The following KRTAP19-3 variants were observed in gnomAD, a reference collection of about 807,000 sequenced individuals.
KRTAP19-3 encodes the protein keratin-associated protein 19-3.
For synonymous variants in KRTAP19-3, 37 were observed against 41.9 expected (o/e 0.88, Z 0.45); for missense variants, 106 against 101.6 (o/e 1.04, Z -0.19).
At position 30,491,524 on chromosome 21, in the gene KRTAP19-3, C is replaced by A. The variant is rs1478545854; in HGVS notation, c.*188G>T. Reference sequence around the variant, plus strand: ...CAGATAATTCAATCAGCTTTAAAAGCAAAAGTAGAGAATACTAGGATTATT... The same window carrying A: ...CAGATAATTCAATCAGCTTTAAAAGAAAAAGTAGAGAATACTAGGATTATT... On this transcript the variant is annotated 3_prime_UTR_variant, in exon 1 of 1. Coordinates refer to ENST00000334063, the MANE Select transcript of KRTAP19-3 (RefSeq NM_181609.4). 3.3e-6 allele frequency: 3 copies of A among 917,092 alleles called. No homozygotes were observed. The highest frequency in any genetic ancestry group is 2.5e-5 in the East Asian group (1 of 39,852). 56.8% of individuals were successfully genotyped at this position (917,092 alleles called of 1,614,324 possible). A position where few individuals can be genotyped will look rare whatever the true frequency, so the allele number is the denominator to read the frequency against.
chr21:30,491,894 C>T lies in KRTAP19-3; in HGVS notation c.64G>A (p.Gly22Ser). 6.2e-7 allele frequency: 1 copy of T among 1,614,114 alleles called. No individual in the cohort carries two copies. Among genetic ancestry groups the T allele is most frequent in the Middle Eastern group, 1.6e-4 (1 of 6,062 alleles). The change falls in exon 1 of 1, where the codon GGC becomes AGC. Residue 22 changes from glycine (G) to serine (S), a missense_variant. Physicochemically the swap from Gly to Ser is moderately conservative, Grantham distance 56. Transcript: ENST00000334063. ...GYGCGGFGGL[G>S]YGYGCGCGSF... The stretch of plus-strand genomic sequence containing the variant: ...CCACATCCACAGCCATAGCCATAGC[C>T]CAGGCCACCAAAGCCTCCACAGCCA...
At position 30,491,881 on chromosome 21, in the gene KRTAP19-3, C is replaced by T. The variant is rs767061445; in HGVS notation, c.77G>A (p.Gly26Asp). 2 of 1,614,062 alleles carry T rather than the reference C, an allele frequency of 1.2e-6. No individual in the cohort carries two copies. The highest frequency in any genetic ancestry group is 1.7e-6 in the Non-Finnish European group (2 of 1,180,026). Residue 26 changes from glycine (G) to aspartate (D), a missense_variant, in exon 1 of 1, where the codon GGC (glycine) becomes GAC (aspartate). Gly to Asp is a moderately conservative substitution (Grantham distance 94, BLOSUM62 -1). Coordinates refer to ENST00000334063, the MANE Select transcript of KRTAP19-3 (RefSeq NM_181609.4). ...GGFGGLGYGY[G>D]CGCGSFRRLG... ...TCTGCGGAAGCTGCCACATCCACAG[C>T]CATAGCCATAGCCCAGGCCACCAAA... is the stretch of plus-strand genomic sequence containing the variant.
Position 30,491,975 on chromosome 21 carries a change from G to A in KRTAP19-3, c.-18C>T. 6.2e-7 allele frequency: 1 copy of A among 1,613,784 alleles called. No homozygotes were observed. The highest frequency in any genetic ancestry group is 8.5e-7 in the Non-Finnish European group (1 of 1,179,714). ...TAGCTCATGGTGTCAGGGGTAGTGA[G>A]TTTGGTTTGCTGCTCAAGGCAAGGT... On this transcript the variant is annotated 5_prime_UTR_variant, in exon 1 of 1. Coordinates refer to ENST00000334063, the MANE Select transcript of KRTAP19-3 (RefSeq NM_181609.4).
At position 30,491,583 on chromosome 21, in the gene KRTAP19-3, C is replaced by T; in HGVS notation, c.*129G>A. ...GTGGGTATACAGAGAAAAAAAATTG[C>T]CTGAAATTCTGAGATGTTAAATTCT... On this transcript the variant is annotated 3_prime_UTR_variant, in exon 1 of 1. Transcript: ENST00000334063. 1 of 1,486,792 alleles carries T rather than the reference C, an allele frequency of 6.7e-7. No homozygotes were observed. The highest frequency in any genetic ancestry group is 9.1e-7 in the Non-Finnish European group (1 of 1,104,260). The allele number at this position is 1,486,792 out of a possible 1,614,324, so 92.1% of individuals were successfully genotyped here. A position where few individuals can be genotyped will look rare whatever the true frequency, so the allele number is the denominator to read the frequency against.
In KRTAP19-3 at chr21:30,491,771, C is replaced by G; in HGVS notation, c.187G>C (p.Gly63Arg). 6.2e-7 allele frequency: 1 copy of G among 1,614,044 alleles called. No homozygotes were observed. Among genetic ancestry groups the G allele is most frequent in the South Asian group, 1.1e-5 (1 of 91,074 alleles). The change falls in exon 1 of 1, where the codon GGA becomes CGA. Residue 63 changes from glycine to arginine, a missense_variant. Coordinates refer to ENST00000334063, the MANE Select transcript of KRTAP19-3 (RefSeq NM_181609.4). ...YGYGSGFGGY[G>R]YGCYRPSYYG... ...TATGATGGGCGGTAGCAGCCATATC[C>G]GTAGCCTCCGAAGCCAGAGCCATAT... is the stretch of plus-strand genomic sequence containing the variant.
In KRTAP19-3 at chr21:30,491,592, C is replaced by T; in HGVS notation, c.*120G>A. On this transcript the variant is annotated 3_prime_UTR_variant, in exon 1 of 1. Coordinates refer to ENST00000334063, the MANE Select transcript of KRTAP19-3 (RefSeq NM_181609.4). The stretch of plus-strand genomic sequence containing the variant: ...CAGAGAAAAAAAATTGCCTGAAATT[C>T]TGAGATGTTAAATTCTTTTGTGCAA... 1 of 1,516,038 alleles carries T rather than the reference C, an allele frequency of 6.6e-7. No individual in the cohort carries two copies. The highest frequency in any genetic ancestry group is 1.3e-5 in the South Asian group (1 of 76,944). The allele number at this position is 1,516,038 out of a possible 1,614,324, so 93.9% of individuals were successfully genotyped here.
chr21:30,491,761 CAGCCATATCCGTAGCCTCCGAAGCCAG>C lies in KRTAP19-3; in HGVS notation c.170_196del (p.Ser57_Gly65del). On this transcript the variant is annotated inframe_deletion, in exon 1 of 1. Transcript: ENST00000334063. ...TCCTCCATAGTATGATGGGCGGTAGCAGCCATATCCGTAGCCTCCGAAGCCAGAGCCATATCCATAGCCTCCAAAGCC... is the reference window on the plus strand; with the variant it reads ...TCCTCCATAGTATGATGGGCGGTAGCAGCCATATCCATAGCCTCCAAAGCC... The C allele has an allele frequency of 6.2e-7, 1 of 1,614,142 alleles. No homozygotes were observed. Among genetic ancestry groups the C allele is most frequent in the African/African-American group, 1.3e-5 (1 of 75,018 alleles).
At position 30,491,546 on chromosome 21, in the gene KRTAP19-3, T is replaced by C; in HGVS notation, c.*166A>G. On this transcript the variant is annotated 3_prime_UTR_variant, in exon 1 of 1. Coordinates refer to ENST00000334063, the MANE Select transcript of KRTAP19-3 (RefSeq NM_181609.4). Reference sequence around the variant, plus strand: ...AAGCAAAAGTAGAGAATACTAGGATTATTATAGAGATGTGGGTATACAGAG... The same window carrying C: ...AAGCAAAAGTAGAGAATACTAGGATCATTATAGAGATGTGGGTATACAGAG... 1 of 1,061,194 alleles carries C rather than the reference T, an allele frequency of 9.4e-7. No homozygotes were observed. The highest frequency in any genetic ancestry group is 1.4e-6 in the Non-Finnish European group (1 of 734,344). The allele number at this position is 1,061,194 out of a possible 1,614,324, so 65.7% of individuals were successfully genotyped here.
At position 30,491,862 on chromosome 21, in the gene KRTAP19-3, G is replaced by C. The variant is rs1329065990; in HGVS notation, c.96C>G (p.Phe32Leu). Reference protein sequence around the residue: ...GYGYGCGCGSFRRLGSGCGYG... With the variant: ...GYGYGCGCGSLRRLGSGCGYG... ...AGCCACAGCCAGAACCCAGTCTGCGGAAGCTGCCACATCCACAGCCATAGC... is the reference window on the plus strand; with the variant it reads ...AGCCACAGCCAGAACCCAGTCTGCGCAAGCTGCCACATCCACAGCCATAGC... The change falls in exon 1 of 1, where the codon TTC (phenylalanine) becomes TTG (leucine). Residue 32 changes from phenylalanine (F) to leucine (L), a missense_variant. Transcript: ENST00000334063. 1 of 1,614,054 alleles carries C rather than the reference G, an allele frequency of 6.2e-7. No homozygotes were observed. The highest frequency in any genetic ancestry group is 1.7e-5 in the Admixed American group (1 of 59,996).
Position 30,491,634 on chromosome 21 carries a change from C to A in KRTAP19-3, c.*78G>T. The A allele has an allele frequency of 6.3e-7, 1 of 1,593,142 alleles. No individual in the cohort carries two copies. Among genetic ancestry groups the A allele is most frequent in the Non-Finnish European group, 8.6e-7 (1 of 1,167,586 alleles). ...TTTGTGCAAATAGCTCCAGCATGAT[C>A]TTTGTTGTCCAATGATTGAAGTCAG... On this transcript the variant is annotated 3_prime_UTR_variant, in exon 1 of 1. Transcript: ENST00000334063.
rs762885754 is a variant in KRTAP19-3 at position 30,491,781 on chromosome 21, G to GAAGCCAGAGCCATATCCATAGCCTCCA, written c.150_176dup (p.Ser57_Gly65dup). On this transcript the variant is annotated inframe_insertion, in exon 1 of 1. Coordinates refer to ENST00000334063, the MANE Select transcript of KRTAP19-3 (RefSeq NM_181609.4). ...GGTAGCAGCCATATCCGTAGCCTCC[G>GAAGCCAGAGCCATATCCATAGCCTCCA]AAGCCAGAGCCATATCCATAGCCTC... 1 of 1,613,820 alleles carries GAAGCCAGAGCCATATCCATAGCCTCCA rather than the reference G, an allele frequency of 6.2e-7. No individual in the cohort carries two copies. The highest frequency in any genetic ancestry group is 1.3e-5 in the African/African-American group (1 of 74,820).
rs570680515 is a variant in KRTAP19-3 at position 30,491,553 on chromosome 21, G to A, written c.*159C>T. The A allele has an allele frequency of 1.8e-6, 2 of 1,114,202 alleles. No individual in the cohort carries two copies. The highest frequency in any genetic ancestry group is 1.5e-5 in the South Asian group (1 of 64,984). 69.0% of individuals were successfully genotyped at this position (1,114,202 alleles called of 1,614,324 possible). On this transcript the variant is annotated 3_prime_UTR_variant, in exon 1 of 1. Transcript: ENST00000334063. ...AGTAGAGAATACTAGGATTATTATA[G>A]AGATGTGGGTATACAGAGAAAAAAA...
In KRTAP19-3 at chr21:30,491,998, G is replaced by A. The variant is rs779416760; in HGVS notation, c.-41C>T. 9 of 1,612,228 alleles carry A rather than the reference G, an allele frequency of 5.6e-6. No homozygotes were observed. The highest frequency in any genetic ancestry group is 6.8e-6 in the Non-Finnish European group (8 of 1,178,600). On this transcript the variant is annotated 5_prime_UTR_variant, in exon 1 of 1. Transcript: ENST00000334063. ...GAGTTTGGTTTGCTGCTCAAGGCAA[G>A]GTCCTGAGTGTGAATGTTGACATCT...
At position 30,491,780 on chromosome 21, in the gene KRTAP19-3, C is replaced by T. The variant is rs145653137; in HGVS notation, c.178G>A (p.Gly60Arg). The change falls in exon 1 of 1, where the codon GGA (glycine) becomes AGA (arginine). Residue 60 changes from glycine (G) to arginine (R), a missense_variant. Physicochemically the swap from Gly to Arg is moderately radical, Grantham distance 125. Coordinates refer to ENST00000334063, the MANE Select transcript of KRTAP19-3 (RefSeq NM_181609.4). ...FGGYGYGSGF[G>R]GYGYGCYRPS... ...CGGTAGCAGCCATATCCGTAGCCTC[C>T]GAAGCCAGAGCCATATCCATAGCCT... is the stretch of plus-strand genomic sequence containing the variant. 7.1e-5 allele frequency: 114 copies of T among 1,614,034 alleles called. No homozygotes were observed. The East Asian group carries it at 9.1e-4, about 13-fold the overall frequency.
rs1012749920 is a variant in KRTAP19-3, at chr21:30,491,571, GA to G, written c.*140del. The G allele has an allele frequency of 6.7e-5, 95 of 1,416,420 alleles. No individual in the cohort carries two copies. The highest frequency in any genetic ancestry group is 3.7e-4 in the Middle Eastern group (2 of 5,422). 87.7% of individuals were successfully genotyped at this position (1,416,420 alleles called of 1,614,324 possible). A position where few individuals can be genotyped will look rare whatever the true frequency, so the allele number is the denominator to read the frequency against. ...TATTATAGAGATGTGGGTATACAGA[GA>G]AAAAAAATTGCCTGAAATTCTGAGA... On this transcript the variant is annotated 3_prime_UTR_variant, in exon 1 of 1. Coordinates refer to ENST00000334063, the MANE Select transcript of KRTAP19-3 (RefSeq NM_181609.4).
In KRTAP19-3 at chr21:30,491,611, T is replaced by C. The variant is rs1985972993; in HGVS notation, c.*101A>G. 4 of 1,552,624 alleles carry C rather than the reference T, an allele frequency of 2.6e-6. No homozygotes were observed. The highest frequency in any genetic ancestry group is 2.7e-5 in the African/African-American group (2 of 72,838). Reference sequence around the variant, plus strand: ...GAAATTCTGAGATGTTAAATTCTTTTGTGCAAATAGCTCCAGCATGATCTT... The same window carrying C: ...GAAATTCTGAGATGTTAAATTCTTTCGTGCAAATAGCTCCAGCATGATCTT... On this transcript the variant is annotated 3_prime_UTR_variant, in exon 1 of 1. Transcript: ENST00000334063.
chr21:30,491,905 A>C lies in KRTAP19-3; in HGVS notation c.53T>G (p.Phe18Cys). ...GCCATAGCCATAGCCCAGGCCACCA[A>C]AGCCTCCACAGCCATAGCCCAGGCC... The part of the protein sequence containing the change: ...YGGLGYGCGG[F>C]GGLGYGYGCG... Residue 18 changes from phenylalanine to cysteine, a missense_variant, in exon 1 of 1, where the codon TTT (phenylalanine) becomes TGT (cysteine). By Grantham distance (205) the Phe-to-Cys change is radical. Transcript: ENST00000334063. The C allele has an allele frequency of 6.2e-7, 1 of 1,613,964 alleles. No homozygotes were observed. Among genetic ancestry groups the C allele is most frequent in the Non-Finnish European group, 8.5e-7 (1 of 1,179,978 alleles).
At position 30,491,660 on chromosome 21, in the gene KRTAP19-3, C is replaced by G. The variant is rs574891701; in HGVS notation, c.*52G>C. 1.2e-6 allele frequency: 2 copies of G among 1,608,676 alleles called. No individual in the cohort carries two copies. The highest frequency in any genetic ancestry group is 1.7e-6 in the Non-Finnish European group (2 of 1,175,844). ...TTTGTTGTCCAATGATTGAAGTCAG[C>G]TCTGGGAAAGTCCTCTTATAATTTC... On this transcript the variant is annotated 3_prime_UTR_variant, in exon 1 of 1. Coordinates refer to ENST00000334063, the MANE Select transcript of KRTAP19-3 (RefSeq NM_181609.4).
chr21:30,491,518 TA>T lies in KRTAP19-3; in HGVS notation c.*193del. 1 of 872,406 alleles carries T rather than the reference TA, an allele frequency of 1.1e-6. No individual in the cohort carries two copies. The highest frequency in any genetic ancestry group is 1.8e-5 in the South Asian group (1 of 55,322). 54.0% of individuals were successfully genotyped at this position (872,406 alleles called of 1,614,324 possible). A position where few individuals can be genotyped will look rare whatever the true frequency, so the allele number is the denominator to read the frequency against. On this transcript the variant is annotated 3_prime_UTR_variant, in exon 1 of 1. Coordinates refer to ENST00000334063, the MANE Select transcript of KRTAP19-3 (RefSeq NM_181609.4). ...GATAAACAGATAATTCAATCAGCTT[TA>T]AAAGCAAAAGTAGAGAATACTAGGA...
Sources: allele counts gnomAD v4.1 joint callset, GRCh38; gene constraint gnomAD v4.1.1; transcripts MANE v1.5; gene names NCBI Gene and HGNC (gene_info 2026-07-23, HGNC 2026-07-21).